The following MTRR variants were observed in gnomAD, a reference collection of about 807,000 sequenced individuals.
The protein encoded by MTRR is 5-methyltetrahydrofolate-homocysteine methyltransferase reductase.
Under a neutral mutation model 79.2 loss-of-function variants are expected in MTRR, and 63 were observed. The ratio of observed to expected loss-of-function variants is 0.80; its 90% CI spans 0.65 to 0.98. The LOEUF is 0.98. Ranked by LOEUF, MTRR falls within the 50% of genes least tolerant of loss-of-function variation. MTRR has a pLI of 0.00. For synonymous variants in MTRR, 355 were observed against 313.3 expected (o/e 1.13, Z -1.41); for missense variants, 895 against 839.6 (o/e 1.07, Z -0.82).
Position 7,870,767 on chromosome 5 carries a change from C to T in MTRR, c.-25-3C>T, listed in dbSNP as rs1440119540. ...AGAGGATCTTTTTTCCCCCATTTTT[C>T]AGTTTCACTGTTACATGCCTTGAAG... On this transcript the variant is annotated splice_polypyrimidine_tract_variant and splice_region_variant and intron_variant, in intron 1 of 14. Transcript: ENST00000440940. 6.2e-7 allele frequency: 1 copy of T among 1,613,892 alleles called. No individual in the cohort carries two copies. Among genetic ancestry groups the T allele is most frequent in the Non-Finnish European group, 8.5e-7 (1 of 1,179,988 alleles).
At chr5:7,867,831 A>T, upstream of MTRR, 2 of 1,614,198 alleles carry the variant, frequency 1.2e-6, no homozygotes, top group South Asian at 2.2e-5. Context: ...TCGCAGTCAG[A>T]TACTTGAGAG....
At chr5:7,884,302 T>C (rs1322561438) in intron 6 of MTRR, among the ~76,000 whole-genome samples, 1 of 152,228 alleles carries the variant, frequency 6.6e-6, no homozygotes, top group Non-Finnish European at 1.5e-5. Flanking sequence ...TGTCCCTTAG[T>C]ATCTTCGAAG....
Position 7,857,324 on chromosome 5 carries a change from A to G in MTRR, n.392-4627A>G, listed in dbSNP as rs529475534. Among the ~76,000 whole-genome samples the G allele has an allele frequency of 3.3e-5, 5 of 152,288 alleles. No homozygotes were observed. In the East Asian group the frequency reaches 9.7e-4, roughly 29 times the overall value. On this transcript the variant is annotated intron_variant and non_coding_transcript_variant, in intron 1 of 3. Coordinates refer to the MTRR transcript ENST00000502509. Reference sequence around the variant, plus strand: ...TACCAATGAATTCATCAGCATGAGAATTCAGTTTAAAAGGACTTAGCTTTA... The same window carrying G: ...TACCAATGAATTCATCAGCATGAGAGTTCAGTTTAAAAGGACTTAGCTTTA...
At chr5:7,854,477 A>G (rs909218677) in intron 1 of MTRR, among the ~76,000 whole-genome samples, 2 of 152,166 alleles carry the variant, frequency 1.3e-5, no homozygotes, top group Non-Finnish European at 2.9e-5. Flanking sequence ...TGGGATGAAA[A>G]GAGGTTTAAT....
upstream of MTRR, chr5:7,867,481 C>T (rs1747066878): frequency 1.2e-6 from 2 of 1,614,210 alleles, no homozygotes; most frequent in Non-Finnish European, 1.7e-6. Context: ...GGCATTCTGC[C>T]ACCAGGTTCA....
chr5:7,888,371 T>A (rs1736972105), intron 8 of MTRR, among the ~76,000 whole-genome samples: 1 of 152,230 alleles, frequency 6.6e-6, no homozygotes, highest in Admixed American at 6.5e-5. Flanking sequence ...TTTTAGCTTT[T>A]AATTTAGGAG....
chr5:7,875,499 T>C, intron 4 of MTRR, 124 bp downstream of exon 4: 1 of 934,064 alleles, frequency 1.1e-6, no homozygotes, highest in East Asian at 2.4e-5. Flanking sequence ...TTGTTCGCTT[T>C]TTTAGCTTTA....
rs1736832374 is a variant in MTRR at position 7,887,801 on chromosome 5, T to TGC, written c.1146+1098_1146+1099insGC. Reference sequence around the variant, plus strand: ...TTGTGTGTGTGTGTGTGCATATATATATATATATATATATATATATATATA... The same window carrying TGC: ...TTGTGTGTGTGTGTGTGCATATATATGCATATATATATATATATATATATATA... On this transcript the variant is annotated intron_variant, in intron 8 of 14. Coordinates refer to ENST00000440940, the MANE Select transcript of MTRR (RefSeq NM_002454.3). 2.7e-4 allele frequency among the ~76,000 whole-genome samples: 7 copies of TGC among 26,382 alleles called. No individual in the cohort carries two copies. In the Admixed American group the frequency reaches 3.2e-3, roughly 12 times the overall value. 17.3% of individuals were successfully genotyped at this position (26,382 alleles called of 152,430 possible).
intron 1 of MTRR, chr5:7,869,441 C>T (rs556292346): frequency 3.6e-6 from 2 of 562,034 alleles, no homozygotes; most frequent in Middle Eastern, 4.9e-4. Flanking sequence ...GCGTCGGCCT[C>T]TGCCGCGGGA....
intron 9 of MTRR, among the ~76,000 whole-genome samples, chr5:7,890,994 TCCCTGC>T (rs1279558678): frequency 6.4e-4 from 3 of 4,686 alleles, no homozygotes; most frequent in African/African-American, 1.8e-3. Context: ...ACTGGGCACC[TCCCTGC>T]AGAAAACTGC....
intron 1 of MTRR, chr5:7,869,555 A>G: frequency 3.4e-6 from 1 of 297,446 alleles, no homozygotes; most frequent in Non-Finnish European, 6.5e-6. Flanking sequence ...ACTGGGGAAC[A>G]TGCCGGGTTG....
In MTRR at chr5:7,900,074, A is replaced by G; in HGVS notation, c.*16A>G. ...TTGGTCATAAAACCAGAAATTAAAGAAAGAGGATTAAGCTTTTTTGACTGA... is the reference window on the plus strand; with the variant it reads ...TTGGTCATAAAACCAGAAATTAAAGGAAGAGGATTAAGCTTTTTTGACTGA... On this transcript the variant is annotated 3_prime_UTR_variant, in exon 15 of 15. Coordinates refer to ENST00000440940, the MANE Select transcript of MTRR (RefSeq NM_002454.3). 2 of 1,612,648 alleles carry G rather than the reference A, an allele frequency of 1.2e-6. No homozygotes were observed. Among genetic ancestry groups the G allele is most frequent in the South Asian group, 1.1e-5 (1 of 90,498 alleles).
At chr5:7,891,631 A>G (rs996170122) in intron 10 of MTRR, among the ~76,000 whole-genome samples, 2 of 152,144 alleles carry the variant, frequency 1.3e-5, no homozygotes, top group Non-Finnish European at 2.9e-5. Context: ...ATGGCCCAGT[A>G]CTATGTTTCC....
At chr5:7,889,795 A>G (rs185772154) in intron 9 of MTRR, among the ~76,000 whole-genome samples, 1 of 152,320 alleles carries the variant, frequency 6.6e-6, no homozygotes, top group East Asian at 1.9e-4. Flanking sequence ...TTCAAGAGCA[A>G]AAGGGGACTG....
chr5:7,888,063 A>G (rs1192073837), intron 8 of MTRR, among the ~76,000 whole-genome samples: 105 of 152,002 alleles, frequency 6.9e-4, no homozygotes, highest in Non-Finnish European at 2.1e-4. Flanking sequence ...CTATGGATAC[A>G]CCATTATTTG....
intron 8 of MTRR, 146 bp from the exon 9 acceptor site, chr5:7,888,949 A>AT (rs1378675855): frequency 1.5e-5 from 12 of 784,260 alleles, no homozygotes; most frequent in African/African-American, 5.2e-5. Flanking sequence ...GGTAAATTAA[A>AT]TTCCCTCCTC....
chr5:7,880,371 G>C (rs1414661947), intron 5 of MTRR, among the ~76,000 whole-genome samples: 3 of 152,214 alleles, frequency 2.0e-5, no homozygotes, highest in Non-Finnish European at 4.4e-5. Flanking sequence ...TAGTGATAGG[G>C]TTGGGAAGGA....
intron 1 of MTRR, among the ~76,000 whole-genome samples, chr5:7,854,562 G>A (rs1240643716): frequency 6.6e-6 from 1 of 152,064 alleles, no homozygotes; most frequent in Non-Finnish European, 1.5e-5. Flanking sequence ...TTACATGGTG[G>A]CGGCAAGAGA....
intron 10 of MTRR, among the ~76,000 whole-genome samples, chr5:7,892,260 A>G (rs1019526156): frequency 6.6e-6 from 1 of 152,144 alleles, no homozygotes; most frequent in African/African-American, 2.4e-5. Flanking sequence ...AAAGAAATCT[A>G]CTTTTGTAGG....
Sources: gnomAD v4.1 joint callset for allele counts (sites outside exome capture counted in the v4.1 genomes callset) on GRCh38, gnomAD v4.1.1 for gene constraint, MANE v1.5 for transcripts, NCBI Gene and HGNC (gene_info 2026-07-23, HGNC 2026-07-21) for gene names.